The following LANCL3 variants were observed in gnomAD, a reference collection of about 807,000 sequenced individuals.
LANCL3 encodes lanC-like protein 3.
Under a neutral mutation model 26.5 loss-of-function variants are expected in LANCL3, and 19 were observed. That is an observed-to-expected ratio of 0.72 (90% confidence interval 0.50 to 1.05). The LOEUF is 1.05. Among genes scored for constraint, LANCL3 ranks in the 50% least tolerant of loss-of-function variants. LANCL3 has a pLI of 0.00. For synonymous variants in LANCL3, 160 were observed against 166.6 expected (o/e 0.96, Z 0.30); for missense variants, 318 against 362.7 (o/e 0.88, Z 1.00).
intron 1 of LANCL3, among the ~76,000 whole-genome samples, chrX:37,593,543 T>G (rs1403323933): frequency 4.0e-4 from 45 of 112,296 alleles, no homozygotes; most frequent in Non-Finnish European, 5.3e-4. Flanking sequence ...GTGTTTTAAT[T>G]TTTTGCCTCA....
At chrX:37,644,594 C>A (rs1925942685) in intron 1 of LANCL3, among the ~76,000 whole-genome samples, 1 of 111,605 alleles carries the variant, frequency 9.0e-6, no homozygotes, top group Non-Finnish European at 1.9e-5. Flanking sequence ...CTGGCCTGAC[C>A]CAGCATGTTC....
intron 1 of LANCL3, among the ~76,000 whole-genome samples, chrX:37,603,926 T>C (rs1472271049): frequency 8.9e-6 from 1 of 112,337 alleles, no homozygotes; most frequent in Non-Finnish European, 1.9e-5. Flanking sequence ...GACGAAAATA[T>C]TATCTCACCT....
At chrX:37,645,286 T>A (rs1556426670) in intron 1 of LANCL3, among the ~76,000 whole-genome samples, 1 of 112,295 alleles carries the variant, frequency 8.9e-6, no homozygotes, top group Non-Finnish European at 1.9e-5. Context: ...TAACTGAAAT[T>A]CCATGCTGAA....
chrX:37,613,500 A>G (rs189755060), intron 1 of LANCL3, among the ~76,000 whole-genome samples: 1 of 112,337 alleles, frequency 8.9e-6, no homozygotes, highest in Non-Finnish European at 1.9e-5. Context: ...CCACACTCAG[A>G]CAAAGATATG....
At chrX:37,665,754 G>A (rs1327698092) in intron 3 of LANCL3, among the ~76,000 whole-genome samples, 4 of 111,665 alleles carry the variant, frequency 3.6e-5, no homozygotes, top group Non-Finnish European at 7.5e-5. Context: ...GAATTTCAAG[G>A]TGGTAATAGC....
chrX:37,629,386 C>T (rs1556423693), intron 1 of LANCL3, among the ~76,000 whole-genome samples: 1 of 109,015 alleles, frequency 9.2e-6, no homozygotes, highest in Non-Finnish European at 1.9e-5. Flanking sequence ...AATTTTCTCC[C>T]ATTTTGTAGG....
At chrX:37,657,656 C>T (rs1427218788) in intron 2 of LANCL3, among the ~76,000 whole-genome samples, 2 of 108,402 alleles carry the variant, frequency 1.8e-5, no homozygotes, top group Non-Finnish European at 3.8e-5. Context: ...TTCAGGTTTT[C>T]GTTACAGAAA....
intron 1 of LANCL3, among the ~76,000 whole-genome samples, chrX:37,624,909 T>A (rs963033111): frequency 8.9e-6 from 1 of 111,964 alleles, no homozygotes; most frequent in African/African-American, 3.2e-5. Flanking sequence ...GCTCAGAGCC[T>A]TGAGTAACCC....
At chrX:37,675,548 G>T in intron 4 of LANCL3, 106 bp from the exon 5 acceptor site, 1 of 398,150 alleles carries the variant, frequency 2.5e-6, no homozygotes. Flanking sequence ...ATATAATTCT[G>T]GAAAGAAAAT....
At chrX:37,621,694 T>G (rs1263729391) in intron 1 of LANCL3, among the ~76,000 whole-genome samples, 1 of 112,460 alleles carries the variant, frequency 8.9e-6, no homozygotes, top group Non-Finnish European at 1.9e-5. Flanking sequence ...TGTCCAAATA[T>G]TCGGTCTTTC....
At chrX:37,631,558 G>A (rs1256071883) in intron 1 of LANCL3, among the ~76,000 whole-genome samples, 2 of 110,541 alleles carry the variant, frequency 1.8e-5, no homozygotes, top group Non-Finnish European at 3.8e-5. Context: ...TGTCAATTTT[G>A]GATCTTTCCT....
At chrX:37,656,421 C>T (rs967147786) in intron 2 of LANCL3, among the ~76,000 whole-genome samples, 5 of 111,583 alleles carry the variant, frequency 4.5e-5, no homozygotes, top group African/African-American at 6.5e-5. Context: ...ATGCGGTGTT[C>T]TCTTTCCACC....
chrX:37,612,620 T>C (rs1392650866), intron 1 of LANCL3, among the ~76,000 whole-genome samples: 2 of 112,437 alleles, frequency 1.8e-5, no homozygotes, highest in Non-Finnish European at 3.8e-5. Context: ...AGTAGTATTA[T>C]AACAATATTT....
At chrX:37,671,043 T>C (rs1281047338) in intron 4 of LANCL3, among the ~76,000 whole-genome samples, 1 of 111,653 alleles carries the variant, frequency 9.0e-6, no homozygotes, top group Non-Finnish European at 1.9e-5. Context: ...TTCTAATATG[T>C]AATTTTTCAT....
Position 37,684,189 on chromosome X carries a change from C to T in LANCL3, c.*8376C>T, listed in dbSNP as rs1927002858. On this transcript the variant is annotated 3_prime_UTR_variant, in exon 5 of 5. Transcript: ENST00000378619. Reference sequence around the variant, plus strand: ...AGCCCACTGCATGGTATAATGAAATCTCTATAAGCAAGATAGAGTCAGAAG... The same window carrying T: ...AGCCCACTGCATGGTATAATGAAATTTCTATAAGCAAGATAGAGTCAGAAG... 1 of 112,307 alleles carries T rather than the reference C, an allele frequency of 8.9e-6. No homozygotes were observed. The highest frequency in any genetic ancestry group is 9.4e-5 in the Admixed American group (1 of 10,632). The allele number at this position is 112,307 out of a possible 1,213,427, so 9.3% of individuals were successfully genotyped here.
At chrX:37,591,912 G>T (rs782062240) in intron 1 of LANCL3, among the ~76,000 whole-genome samples, 147 of 110,541 alleles carry the variant, frequency 1.3e-3, no homozygotes, top group Non-Finnish European at 1.9e-3. Flanking sequence ...AGGTTTGATA[G>T]GGAAACCTGC....
chrX:37,658,284 A>C (rs1389910980), intron 2 of LANCL3, among the ~76,000 whole-genome samples: 1 of 111,852 alleles, frequency 8.9e-6, no homozygotes, highest in African/African-American at 3.3e-5. Context: ...TATATAACTA[A>C]ATGATTTATT....
chrX:37,664,467 T>C (rs1161047299), intron 3 of LANCL3, among the ~76,000 whole-genome samples: 2 of 112,542 alleles, frequency 1.8e-5, no homozygotes, highest in Non-Finnish European at 3.8e-5. Context: ...GTCTCTTTCA[T>C]TGACTTTCTA....
chrX:37,620,740 A>C (rs1290261137), intron 1 of LANCL3, among the ~76,000 whole-genome samples: 1 of 111,914 alleles, frequency 8.9e-6, no homozygotes, highest in African/African-American at 3.3e-5. Context: ...ACTGACCATG[A>C]GACCATGGCC....
Sources: allele counts gnomAD v4.1 joint callset (sites outside exome capture counted in the v4.1 genomes callset), GRCh38; gene constraint gnomAD v4.1.1; transcripts MANE v1.5; gene names NCBI Gene and HGNC (gene_info 2026-07-23, HGNC 2026-07-21).